RNF222: variants seen among roughly 807,000 people sequenced by gnomAD.
RNF222 encodes the protein RING finger protein LOC643904.
Under a neutral mutation model 10.8 loss-of-function variants are expected in RNF222, and 14 were observed. The observed-to-expected ratio is 1.30, with a 90% confidence interval of 0.86 to 2.03. The LOEUF (loss-of-function observed/expected upper bound fraction) is 2.03. Among genes scored for constraint, RNF222 ranks in the 30% most tolerant of loss-of-function variants. The probability of loss-of-function intolerance (pLI) is 0.00; values close to 1 mark genes in which losing one functional copy is unlikely to be tolerated. For missense variants in RNF222, 298 were observed against 295.8 expected, an observed-to-expected ratio of 1.01 and a Z score of -0.06; for synonymous variants, 141 against 142.5, an observed-to-expected ratio of 0.99 and a Z score of 0.07.
intron 1 of RNF222, among the ~76,000 whole-genome samples, chr17:8,396,481 C>T (rs1273604121): frequency 1.3e-5 from 2 of 150,242 alleles, no homozygotes; most frequent in East Asian, 1.9e-4. Context: ...CAGAAGACAT[C>T]CGAGGCCCCA....
intron 1 of RNF222, among the ~76,000 whole-genome samples, chr17:8,395,350 C>T (rs1908006679): frequency 6.6e-6 from 1 of 152,198 alleles, no homozygotes; most frequent in Non-Finnish European, 1.5e-5. Flanking sequence ...TTTAACCTCT[C>T]TGAGTCTCAG....
rs763614690 is a variant in RNF222, at chr17:8,392,802, C to T, written c.660G>A (p.Ala220=). ...LPWVLLVRKQ[A] ...GGCGGCCTCCCTGAGGTGCGGCTCA[C>T]GCCTGCTTCCTCACCAGCAGCACCC... The change falls in exon 3 of 3, where the codon GCG becomes GCA. Residue 220 remains alanine (A), a synonymous_variant. Coordinates refer to ENST00000399398, the MANE Select transcript of RNF222 (RefSeq NM_001146684.3). The surrounding 1 kb of genome is among the most constrained non-coding windows in gnomAD (Gnocchi z 4.3). The T allele has an allele frequency of 1.9e-5, 29 of 1,531,034 alleles. No homozygotes were observed. The highest frequency in any genetic ancestry group is 2.4e-5 in the East Asian group (1 of 40,836). The allele number at this position is 1,531,034 out of a possible 1,614,324, so 94.8% of individuals were successfully genotyped here.
chr17:8,396,047 T>G lies in RNF222; in HGVS notation c.-178+1648A>C, dbSNP rs1908027680. 2.0e-5 allele frequency among the ~76,000 whole-genome samples: 3 copies of G among 152,226 alleles called. No homozygotes were observed. The South Asian group carries it at 6.2e-4, about 31-fold the overall frequency. ...AACTTTAGAGCCTAGTGGACATTTA[T>G]AAGTTTTCTTGAAAAAGATATTTTT... On this transcript the variant is annotated intron_variant, in intron 1 of 2. Coordinates refer to ENST00000399398, the MANE Select transcript of RNF222 (RefSeq NM_001146684.3).
Position 8,394,973 on chromosome 17 carries a change from A to G in RNF222, c.-177-644T>C, listed in dbSNP as rs1473383938. On this transcript the variant is annotated intron_variant, in intron 1 of 2. Transcript: ENST00000399398. ...CTGCTTTCTTCCATCCATGACAGAG[A>G]CAAAAGACCCCTGGACACACTGATA... Among the ~76,000 whole-genome samples the G allele has an allele frequency of 2.0e-5, 3 of 152,202 alleles. No individual in the cohort carries two copies. The South Asian group carries it at 6.2e-4, about 32-fold the overall frequency.
rs1446094615 is a variant in RNF222, at chr17:8,391,639, T to TA, written c.*1159dup. Reference sequence around the variant, plus strand: ...TTCCATTGAAAGGTGTTGGTTGACTTACGGACCTCAATAAACAGCCAATAG... The same window carrying TA: ...TTCCATTGAAAGGTGTTGGTTGACTTAACGGACCTCAATAAACAGCCAATAG... On this transcript the variant is annotated 3_prime_UTR_variant, in exon 3 of 3. Coordinates refer to ENST00000399398, the MANE Select transcript of RNF222 (RefSeq NM_001146684.3). The TA allele has an allele frequency of 6.6e-6, 1 of 152,230 alleles. No homozygotes were observed. Among genetic ancestry groups the TA allele is most frequent in the Non-Finnish European group, 1.5e-5 (1 of 68,110 alleles). The allele number at this position is 152,230 out of a possible 1,614,324, so 9.4% of individuals were successfully genotyped here. A position where few individuals can be genotyped will look rare whatever the true frequency, so the allele number is the denominator to read the frequency against.
In RNF222 at chr17:8,392,886, C is replaced by T; in HGVS notation, c.576G>A (p.Arg192=). 1 of 1,533,128 alleles carries T rather than the reference C, an allele frequency of 6.5e-7. No individual in the cohort carries two copies. The highest frequency in any genetic ancestry group is 8.7e-7 in the Non-Finnish European group (1 of 1,145,996). The allele number at this position is 1,533,128 out of a possible 1,614,324, so 95.0% of individuals were successfully genotyped here. ...CGATGAGCGTGATGAGCAGCAGGGC[C>T]CGCGATCGGCAGCAGAAGGCGCGGG... is the stretch of plus-strand genomic sequence containing the variant. The part of the protein sequence containing the change: ...RSARAFCCRS[R]ALLLITLIAV... The change falls in exon 3 of 3, where the codon CGG becomes CGA. Residue 192 remains arginine (R), a synonymous_variant. Transcript: ENST00000399398. The surrounding 1 kb of genome is among the most constrained non-coding windows in gnomAD (Gnocchi z 4.3).
At chr17:8,395,764 A>G (rs1021074112) in intron 1 of RNF222, among the ~76,000 whole-genome samples, 3 of 152,208 alleles carry the variant, frequency 2.0e-5, no homozygotes, top group African/African-American at 7.2e-5. Flanking sequence ...CTTGGTAGTT[A>G]TTTCATAACA....
At chr17:8,396,425 A>G (rs954714864) in intron 1 of RNF222, among the ~76,000 whole-genome samples, 3 of 152,186 alleles carry the variant, frequency 2.0e-5, no homozygotes, top group Non-Finnish European at 2.9e-5. Flanking sequence ...GAGAGCCTCT[A>G]CTTTTCATCC....
Position 8,392,139 on chromosome 17 carries a change from CCT to C in RNF222, c.*658_*659del, listed in dbSNP as rs1491360215. 6.6e-6 allele frequency: 1 copy of C among 152,398 alleles called. No individual in the cohort carries two copies. Among genetic ancestry groups the C allele is most frequent in the African/African-American group, 2.4e-5 (1 of 41,430 alleles). The allele number at this position is 152,398 out of a possible 1,614,324, so 9.4% of individuals were successfully genotyped here. A position where few individuals can be genotyped will look rare whatever the true frequency, so the allele number is the denominator to read the frequency against. Reference sequence around the variant, plus strand: ...CTGGGGTGGCCTCTATCAACCAACCCCTGTCTCTGGATCTGGCCTCAGCTCTG... The same window carrying C: ...CTGGGGTGGCCTCTATCAACCAACCCGTCTCTGGATCTGGCCTCAGCTCTG... On this transcript the variant is annotated 3_prime_UTR_variant, in exon 3 of 3. Coordinates refer to ENST00000399398, the MANE Select transcript of RNF222 (RefSeq NM_001146684.3). This position sits in a 1 kb window ranked among gnomAD's most constrained non-coding sequence, Gnocchi z 4.3.
rs532312730 is a variant in RNF222 at position 8,395,590 on chromosome 17, C to T, written c.-177-1261G>A. On this transcript the variant is annotated intron_variant, in intron 1 of 2. Coordinates refer to ENST00000399398, the MANE Select transcript of RNF222 (RefSeq NM_001146684.3). ...CAGCCACAGCATTTGCCTTCCTTTC[C>T]TTCCCTCTCATCCCCAAATGTTCCT... Among the ~76,000 whole-genome samples, 52 of 152,296 alleles carry T rather than the reference C, an allele frequency of 3.4e-4. 1 individual carries two copies. The highest frequency in any genetic ancestry group is 1.2e-3 in the African/African-American group (50 of 41,570).
intron 1 of RNF222, among the ~76,000 whole-genome samples, chr17:8,395,937 C>T (rs1459651441): frequency 3.3e-5 from 5 of 152,098 alleles, no homozygotes; most frequent in South Asian, 2.1e-4. Flanking sequence ...TCTAATTATT[C>T]GACACATATT....
intron 2 of RNF222, 127 bp from the exon 3 acceptor site, chr17:8,393,613 C>T: frequency 7.6e-7 from 1 of 1,310,234 alleles, no homozygotes; most frequent in Non-Finnish European, 1.0e-6. Flanking sequence ...CCTCTCTCTT[C>T]CTCCTACTCT....
At position 8,392,908 on chromosome 17, in the gene RNF222, C is replaced by G. The variant is rs1403920920; in HGVS notation, c.554G>C (p.Arg185Pro). ...SEASLAPRSA[R>P]AFCCRSRALL... ...GGCCCGCGATCGGCAGCAGAAGGCG[C>G]GGGCGGAGCGGGGCGCCAGGGAGGC... Residue 185 changes from arginine to proline, a missense_variant, in exon 3 of 3, where the codon CGC becomes CCC. Coordinates refer to ENST00000399398, the MANE Select transcript of RNF222 (RefSeq NM_001146684.3). This position sits in a 1 kb window ranked among gnomAD's most constrained non-coding sequence, Gnocchi z 4.3. 9.8e-6 allele frequency: 15 copies of G among 1,531,490 alleles called. No homozygotes were observed. The African/African-American group carries it at 2.1e-4, about 21-fold the overall frequency. 94.9% of individuals were successfully genotyped at this position (1,531,490 alleles called of 1,614,324 possible).
At chr17:8,396,537 C>G (rs1172441349) in intron 1 of RNF222, among the ~76,000 whole-genome samples, 2 of 151,976 alleles carry the variant, frequency 1.3e-5, no homozygotes, top group Admixed American at 1.3e-4. Context: ...ACAATGGCCT[C>G]TCTGGGCAAT....
rs1375915385 is a variant in RNF222, at chr17:8,393,079, C to G, written c.383G>C (p.Ser128Thr). 2.7e-6 allele frequency: 4 copies of G among 1,493,380 alleles called. No homozygotes were observed. The highest frequency in any genetic ancestry group is 3.6e-6 in the Non-Finnish European group (4 of 1,124,106). The allele number at this position is 1,493,380 out of a possible 1,614,324, so 92.5% of individuals were successfully genotyped here. Residue 128 changes from serine to threonine, a missense_variant, in exon 3 of 3, where the codon AGC (serine) becomes ACC (threonine). Transcript: ENST00000399398. ...GGGGAGCTGGGCGCTCTGGCCCGGG[C>G]TGCCTGGCGGCCTGGCCTGGCCTGG... ...PPPGQARPPGSPGQSAQLPLD... is the reference protein window; with the variant it reads ...PPPGQARPPGTPGQSAQLPLD...
chr17:8,394,745 G>A (rs1269509692), intron 1 of RNF222, among the ~76,000 whole-genome samples: 1 of 152,222 alleles, frequency 6.6e-6, no homozygotes, highest in Non-Finnish European at 1.5e-5. Context: ...CTGGCCACAA[G>A]ATGGGTTTTA....
chr17:8,397,391 G>C (rs1033087930), intron 1 of RNF222, among the ~76,000 whole-genome samples: 1 of 152,052 alleles, frequency 6.6e-6, no homozygotes, highest in Non-Finnish European at 1.5e-5. Flanking sequence ...GCCCATCTCC[G>C]GAACAGAGTG....
At position 8,391,980 on chromosome 17, in the gene RNF222, T is replaced by G. The variant is rs1286604925; in HGVS notation, c.*819A>C. ...TTCGTTTGCCCACATAGTTCTCAGCTGACTCAAGGCTCGCCTGTCAGGCTT... is the reference window on the plus strand; with the variant it reads ...TTCGTTTGCCCACATAGTTCTCAGCGGACTCAAGGCTCGCCTGTCAGGCTT... On this transcript the variant is annotated 3_prime_UTR_variant, in exon 3 of 3. Transcript: ENST00000399398. The G allele has an allele frequency of 6.6e-6, 1 of 152,298 alleles. No homozygotes were observed. The highest frequency in any genetic ancestry group is 1.5e-5 in the Non-Finnish European group (1 of 68,146). 9.4% of individuals were successfully genotyped at this position (152,298 alleles called of 1,614,324 possible). A position where few individuals can be genotyped will look rare whatever the true frequency, so the allele number is the denominator to read the frequency against.
In RNF222 at chr17:8,391,779, C is replaced by G. The variant is rs2151680800; in HGVS notation, c.*1020G>C. On this transcript the variant is annotated 3_prime_UTR_variant, in exon 3 of 3. Coordinates refer to ENST00000399398, the MANE Select transcript of RNF222 (RefSeq NM_001146684.3). ...TGAGGGCACCTGGGCCTCAGCATTTCTCGGTTGAGATGGCGGCGTCCCTGA... is the reference window on the plus strand; with the variant it reads ...TGAGGGCACCTGGGCCTCAGCATTTGTCGGTTGAGATGGCGGCGTCCCTGA... The G allele has an allele frequency of 6.6e-6, 1 of 152,392 alleles. No homozygotes were observed. The highest frequency in any genetic ancestry group is 1.9e-4 in the East Asian group (1 of 5,182). 9.4% of individuals were successfully genotyped at this position (152,392 alleles called of 1,614,324 possible).
Sources: gnomAD v4.1 joint callset for allele counts (sites outside exome capture counted in the v4.1 genomes callset) on GRCh38, gnomAD v4.1.1 for gene constraint, Gnocchi (gnomAD v3.1) non-coding constraint, MANE v1.5 for transcripts, NCBI Gene and HGNC (gene_info 2026-07-23, HGNC 2026-07-21) for gene names.